SYT7: variants seen among roughly 807,000 people sequenced by gnomAD.
SYT7 encodes synaptotagmin-7.
In SYT7, 29 loss-of-function variants were observed where a neutral mutation model predicts 75.1. That is an observed-to-expected ratio of 0.39 (90% CI 0.29 to 0.53). The LOEUF (loss-of-function observed/expected upper bound fraction) is 0.53, where lower values mean the gene tolerates loss of function less well. Ranked by LOEUF, SYT7 falls within the 20% of genes least tolerant of loss-of-function variation. The pLI is 0.77. For synonymous variants in SYT7, 376 were observed against 401.7 expected (o/e 0.94, Z 0.76); for missense variants, 693 against 953.2 (o/e 0.73, Z 3.59).
Position 61,546,405 on chromosome 11 carries a change from GGA to G in SYT7, c.348-152_348-151del. On this transcript the variant is annotated intron_variant, in intron 4 of 12. Transcript: ENST00000539008. The surrounding 1 kb of genome is among the most constrained non-coding windows in gnomAD (Gnocchi z 7.6). ...AGAAAGAGACAGTGAGAGAGGAGGA[GGA>G]GAGAGACAGACGGACATGAGACAGA... 1.7e-6 allele frequency: 1 copy of G among 587,244 alleles called. No individual in the cohort carries two copies. 36.4% of individuals were successfully genotyped at this position (587,244 alleles called of 1,614,324 possible).
intron 12 of SYT7, among the ~76,000 whole-genome samples, chr11:61,521,711 A>G (rs80074300): frequency 0.023 from 3,476 of 151,512 alleles, 78 homozygotes; most frequent in Non-Finnish European, 0.032. Flanking sequence ...CCTTTCCCCC[A>G]CACAGGATAA....
At chr11:61,550,821 G>A (rs1487617628) in intron 3 of SYT7, among the ~76,000 whole-genome samples, 1 of 152,214 alleles carries the variant, frequency 6.6e-6, no homozygotes, top group Non-Finnish European at 1.5e-5. Context: ...GGAGACCTGG[G>A]TGAGGCAGAG....
intron 3 of SYT7, among the ~76,000 whole-genome samples, chr11:61,550,932 C>T (rs1228092967): frequency 6.6e-6 from 1 of 152,160 alleles, no homozygotes; most frequent in African/African-American, 2.4e-5. Flanking sequence ...TGTCTGCCTC[C>T]CCACTTCCAG....
At chr11:61,532,910 C>G in intron 8 of SYT7, 79 bp downstream of exon 8, 7 of 1,580,584 alleles carry the variant, frequency 4.4e-6, no homozygotes, top group Non-Finnish European at 5.1e-6. Flanking sequence ...GTTAATCATT[C>G]CCACACACAT....
At chr11:61,560,325 G>A (rs1417528215) in intron 1 of SYT7, among the ~76,000 whole-genome samples, 1 of 152,200 alleles carries the variant, frequency 6.6e-6, no homozygotes, top group Non-Finnish European at 1.5e-5. Context: ...AGATAAGGCT[G>A]TGATCCCTCA....
At position 61,546,207 on chromosome 11, in the gene SYT7, C is replaced by T. The variant is rs1015120271; in HGVS notation, c.396G>A (p.Ala132=). 4.9e-5 allele frequency: 73 copies of T among 1,488,484 alleles called. No individual in the cohort carries two copies. Among genetic ancestry groups the T allele is most frequent in the African/African-American group, 1.9e-4 (13 of 69,268 alleles). 92.2% of individuals were successfully genotyped at this position (1,488,484 alleles called of 1,614,324 possible). The change falls in exon 5 of 13, where the codon GCG becomes GCA. Residue 132 remains alanine (A), a synonymous_variant. Transcript: ENST00000539008. The surrounding 1 kb of genome is among the most constrained non-coding windows in gnomAD (Gnocchi z 7.6). ...CCCCCAGCCGGCCTTCCCGCTCCACCGCCAGCCCCGCCGCGGCGGCCACTT... is the reference window on the plus strand; with the variant it reads ...CCCCCAGCCGGCCTTCCCGCTCCACTGCCAGCCCCGCCGCGGCGGCCACTT... ...GAKVAAAAGL[A]VEREGRLGEK...
At chr11:61,556,273 G>T in intron 1 of SYT7, 66 bp from the exon 2 acceptor site, 2 of 1,386,170 alleles carry the variant, frequency 1.4e-6, no homozygotes, top group Non-Finnish European at 2.0e-6. Flanking sequence ...TCAGCCCAGA[G>T]CCCTCCAGAA....
At chr11:61,581,887 C>T (rs2064283828), upstream of SYT7, among the ~76,000 whole-genome samples, 1 of 152,202 alleles carries the variant, frequency 6.6e-6, no homozygotes, top group Non-Finnish European at 1.5e-5. Flanking sequence ...TCTTGGTCCC[C>T]TCTGCCTCTC....
chr11:61,549,474 C>A (rs556572081), intron 3 of SYT7, among the ~76,000 whole-genome samples: 1 of 152,180 alleles, frequency 6.6e-6, no homozygotes, highest in Non-Finnish European at 1.5e-5. Flanking sequence ...AGGGCCCTGA[C>A]GAACACAGTT....
intron 7 of SYT7, chr11:61,533,741 C>G: frequency 1.1e-6 from 1 of 896,732 alleles, no homozygotes; most frequent in Non-Finnish European, 1.3e-6. Flanking sequence ...ACATGCCACA[C>G]GTGTGCACTT....
chr11:61,585,938 A>G (rs998975075), upstream of SYT7, among the ~76,000 whole-genome samples: 1 of 152,162 alleles, frequency 6.6e-6, no homozygotes, highest in Non-Finnish European at 1.5e-5. Context: ...GAATTGCTCC[A>G]CACAAAGATG....
intron 3 of SYT7, among the ~76,000 whole-genome samples, chr11:61,550,179 C>T (rs1176920780): frequency 6.6e-6 from 1 of 152,216 alleles, no homozygotes; most frequent in Non-Finnish European, 1.5e-5. Flanking sequence ...TCCCGCCCTC[C>T]CCTAGCCTCA....
intron 7 of SYT7, chr11:61,533,466 C>T: frequency 2.0e-6 from 2 of 985,424 alleles, no homozygotes; most frequent in Non-Finnish European, 1.2e-6. Flanking sequence ...TGCCCCCAGT[C>T]CTCAGAGGCT....
intron 7 of SYT7, among the ~76,000 whole-genome samples, chr11:61,535,265 A>G (rs1285674232): frequency 6.6e-6 from 1 of 152,172 alleles, no homozygotes; most frequent in Non-Finnish European, 1.5e-5. Flanking sequence ...GGGGACAGGG[A>G]GGAGCGTGCG....
intron 1 of SYT7, among the ~76,000 whole-genome samples, chr11:61,564,679 G>A (rs756111567): frequency 6.6e-6 from 1 of 152,168 alleles, no homozygotes; most frequent in Non-Finnish European, 1.5e-5. Flanking sequence ...CAGAAAAGAA[G>A]AAAGAACCTG....
chr11:61,560,471 T>G (rs1201672380), intron 1 of SYT7, among the ~76,000 whole-genome samples: 1 of 151,832 alleles, frequency 6.6e-6, no homozygotes. Context: ...TCCCCTACAG[T>G]GTGGGTGGCT....
chr11:61,588,370 T>C, the SYT7 span: 3 of 152,168 alleles, frequency 2.0e-5, no homozygotes, highest in African/African-American at 7.2e-5. Flanking sequence ...GTGATCCCCT[T>C]AGGAAGGTGA....
Position 61,546,759 on chromosome 11 carries a change from AACCACCGACCACCG to A in SYT7, c.347+404_347+417del, listed in dbSNP as rs1003270084. 5 of 418,898 alleles carry A rather than the reference AACCACCGACCACCG, an allele frequency of 1.2e-5. No homozygotes were observed. Among genetic ancestry groups the A allele is most frequent in the Non-Finnish European group, 2.4e-5 (5 of 210,332 alleles). 25.9% of individuals were successfully genotyped at this position (418,898 alleles called of 1,614,324 possible). ...CACCATCACCGCCACCACCGCCACG[AACCACCGACCACCG>A]ACCACCGACCACCGAGCAGCCACGG... On this transcript the variant is annotated intron_variant, in intron 4 of 12. Transcript: ENST00000539008. This position sits in a 1 kb window ranked among gnomAD's most constrained non-coding sequence, Gnocchi z 7.6.
rs1323398045 is a variant in SYT7 at position 61,514,350 on chromosome 11, G to A, written c.*4277C>T. 1.3e-5 allele frequency among the ~76,000 whole-genome samples: 2 copies of A among 152,238 alleles called. No individual in the cohort carries two copies. The highest frequency in any genetic ancestry group is 4.8e-5 in the African/African-American group (2 of 41,466). On this transcript the variant is annotated 3_prime_UTR_variant, in exon 13 of 13. Transcript: ENST00000539008. ...AAGTGATATCTAAACCAGGTTGTGG[G>A]AAATGAGGGACAGACAGCTTTGGAT...
Sources: allele counts gnomAD v4.1 joint callset (sites outside exome capture counted in the v4.1 genomes callset), GRCh38; gene constraint gnomAD v4.1.1; non-coding constraint Gnocchi (gnomAD v3.1); transcripts MANE v1.5; gene names NCBI Gene and HGNC (gene_info 2026-07-23, HGNC 2026-07-21).